Variants in KLHL2 observed in about 807,000 individuals in gnomAD.
KLHL2 encodes the protein kelch-like protein 2.
KLHL2 carries 15 observed loss-of-function variants against 75.8 expected under a neutral mutation model. The ratio of observed to expected loss-of-function variants is 0.20; its 90% confidence interval spans 0.13 to 0.30. The LOEUF (loss-of-function observed/expected upper bound fraction) is 0.30, where lower values mean the gene tolerates loss of function less well. KLHL2 is among the 10% of genes least tolerant of loss of function. KLHL2 has a pLI of 1.00. For missense variants in KLHL2, 381 were observed against 741.0 expected, an observed-to-expected ratio of 0.51 and a Z score of 5.64; for synonymous variants, 214 against 251.9, an observed-to-expected ratio of 0.85 and a Z score of 1.42.
rs570339838 is a variant in KLHL2 at position 165,223,231 on chromosome 4, C to A, written c.152+3172C>A. Reference sequence around the variant, plus strand: ...GGTGAGCACCTAATCAGCTAATATGCCTGAAAGGCTGTGTGGGATCCAAAA... The same window carrying A: ...GGTGAGCACCTAATCAGCTAATATGACTGAAAGGCTGTGTGGGATCCAAAA... On this transcript the variant is annotated intron_variant, in intron 2 of 14. Coordinates refer to ENST00000226725, the MANE Select transcript of KLHL2 (RefSeq NM_007246.4). Among the ~76,000 whole-genome samples, 185 of 152,328 alleles carry A rather than the reference C, an allele frequency of 1.2e-3. 1 individual carries two copies. The Middle Eastern group carries it at 0.041, about 34-fold the overall frequency.
At chr4:165,277,836 A>G (rs1453124405) in intron 5 of KLHL2, 2 of 724,326 alleles carry the variant, frequency 2.8e-6, no homozygotes, top group Non-Finnish European at 5.0e-6. Context: ...ATTTTAAGCC[A>G]CAGGTCTACT....
intron 1 of KLHL2, among the ~76,000 whole-genome samples, chr4:165,218,883 C>T (rs1363585853): frequency 6.6e-6 from 1 of 152,042 alleles, no homozygotes; most frequent in Non-Finnish European, 1.5e-5. Flanking sequence ...ATTTTTTAAG[C>T]CTAGTTAAAA....
intron 14 of KLHL2, among the ~76,000 whole-genome samples, chr4:165,318,512 A>G (rs1746742305): frequency 2.0e-5 from 3 of 152,200 alleles, no homozygotes; most frequent in South Asian, 2.1e-4. Flanking sequence ...TTTTAATAGT[A>G]TAATGTTTCT....
Position 165,278,336 on chromosome 4 carries a change from A to G in KLHL2, c.544+14977A>G, listed in dbSNP as rs751761779. 10 of 1,122,584 alleles carry G rather than the reference A, an allele frequency of 8.9e-6. No homozygotes were observed. The Admixed American group carries it at 1.7e-4, about 19-fold the overall frequency. 69.5% of individuals were successfully genotyped at this position (1,122,584 alleles called of 1,614,324 possible). A position where few individuals can be genotyped will look rare whatever the true frequency, so the allele number is the denominator to read the frequency against. ...TGGAATATACAGAATGTCTGCTTGT[A>G]GCTGCATAAGAATTTTGTTGCTGGT... On this transcript the variant is annotated intron_variant, in intron 5 of 14. Transcript: ENST00000226725.
chr4:165,298,967 A>G lies in KLHL2; in HGVS notation c.772-540A>G, dbSNP rs550490117. Among the ~76,000 whole-genome samples, 1,302 of 137,122 alleles carry G rather than the reference A, an allele frequency of 9.5e-3. 8 individuals carry two copies. The highest frequency in any genetic ancestry group is 0.025 in the South Asian group (96 of 3,782). 90.0% of individuals were successfully genotyped at this position (137,122 alleles called of 152,430 possible). On this transcript the variant is annotated intron_variant, in intron 7 of 14. Transcript: ENST00000226725. ...CCCCCTCCCCCCCCAGAAAAAAGAAAACGAACCCAGAAGCCTGTCCTGCGT... is the reference window on the plus strand; with the variant it reads ...CCCCCTCCCCCCCCAGAAAAAAGAAGACGAACCCAGAAGCCTGTCCTGCGT...
chr4:165,245,179 G>T (rs866823632), intron 4 of KLHL2, among the ~76,000 whole-genome samples: 24 of 152,272 alleles, frequency 1.6e-4, no homozygotes, highest in Middle Eastern at 3.4e-3. Flanking sequence ...CTGCACTCCA[G>T]CCTGGGCAGC....
At chr4:165,260,091 A>G (rs1360164179) in intron 4 of KLHL2, among the ~76,000 whole-genome samples, 1 of 152,198 alleles carries the variant, frequency 6.6e-6, no homozygotes, top group Non-Finnish European at 1.5e-5. Flanking sequence ...TGTTTTCATT[A>G]TCAGTGACTG....
chr4:165,321,013 A>C (rs2126598173), intron 14 of KLHL2, among the ~76,000 whole-genome samples: 1 of 152,348 alleles, frequency 6.6e-6, no homozygotes, highest in South Asian at 2.1e-4. Context: ...GTCTGGCAAA[A>C]GGGTTTGGTT....
At chr4:165,243,194 T>C (rs988783084) in intron 4 of KLHL2, among the ~76,000 whole-genome samples, 7 of 152,328 alleles carry the variant, frequency 4.6e-5, no homozygotes, top group African/African-American at 1.7e-4. Flanking sequence ...TCCTAAAGGA[T>C]CTTGAACTTC....
intron 2 of KLHL2, among the ~76,000 whole-genome samples, chr4:165,220,697 T>C (rs1578978613): frequency 6.6e-6 from 1 of 152,366 alleles, no homozygotes; most frequent in East Asian, 1.9e-4. Flanking sequence ...CTAGGGCTTC[T>C]AACTTACTGT....
intron 6 of KLHL2, among the ~76,000 whole-genome samples, chr4:165,297,134 G>C (rs1744970680): frequency 1.3e-5 from 2 of 152,018 alleles, no homozygotes; most frequent in Admixed American, 1.3e-4. Flanking sequence ...TAGACAAACA[G>C]TGTCTTCATA....
chr4:165,236,313 A>G (rs187674566), intron 3 of KLHL2, among the ~76,000 whole-genome samples: 2 of 152,248 alleles, frequency 1.3e-5, no homozygotes, highest in South Asian at 2.1e-4. Context: ...TATAATCTCT[A>G]TAGAGACTAT....
At chr4:165,251,295 T>A (rs1343142336) in intron 4 of KLHL2, among the ~76,000 whole-genome samples, 3 of 151,890 alleles carry the variant, frequency 2.0e-5, no homozygotes, top group African/African-American at 7.3e-5. Context: ...AGTACTAATT[T>A]ATTATTATCC....
chr4:165,278,675 A>C (rs746327681), intron 5 of KLHL2: 1 of 1,601,244 alleles, frequency 6.2e-7, no homozygotes, highest in Non-Finnish European at 8.6e-7. Flanking sequence ...AGCACCAGCT[A>C]TAGCTACAGA....
intron 4 of KLHL2, among the ~76,000 whole-genome samples, 198 bp from the exon 5 acceptor site, chr4:165,262,999 A>G (rs1276814048): frequency 6.6e-6 from 1 of 152,180 alleles, no homozygotes; most frequent in Non-Finnish European, 1.5e-5. Flanking sequence ...CCTTTGAAAG[A>G]TTACATGGAA....
At chr4:165,225,134 C>G (rs1412206874) in intron 2 of KLHL2, among the ~76,000 whole-genome samples, 1 of 152,086 alleles carries the variant, frequency 6.6e-6, no homozygotes, top group East Asian at 1.9e-4. Context: ...GATGGAGTGC[C>G]TTTCTTTATT....
At chr4:165,220,551 C>T (rs958144098) in intron 2 of KLHL2, among the ~76,000 whole-genome samples, 1 of 151,964 alleles carries the variant, frequency 6.6e-6, no homozygotes, top group Non-Finnish European at 1.5e-5. Flanking sequence ...GAGACTCTGT[C>T]CCTATTTTCT....
At chr4:165,310,257 T>A (rs565696275) in intron 9 of KLHL2, among the ~76,000 whole-genome samples, 1 of 152,134 alleles carries the variant, frequency 6.6e-6, no homozygotes, top group Admixed American at 6.5e-5. Context: ...CACGGGAGGC[T>A]GAGCTTGCAG....
intron 10 of KLHL2, among the ~76,000 whole-genome samples, chr4:165,311,125 G>A (rs1057110479): frequency 1.3e-5 from 2 of 152,086 alleles, no homozygotes; most frequent in African/African-American, 2.4e-5. Context: ...CCAAAGTGCT[G>A]GGATTACAAC....
Sources: gnomAD v4.1 joint callset for allele counts (sites outside exome capture counted in the v4.1 genomes callset) on GRCh38, gnomAD v4.1.1 for gene constraint, MANE v1.5 for transcripts, NCBI Gene and HGNC (gene_info 2026-07-23, HGNC 2026-07-21) for gene names.